PIK3R4: variants seen among roughly 807,000 people sequenced by gnomAD.
PIK3R4 encodes the protein phosphoinositide 3-kinase regulatory subunit 4.
Under a neutral mutation model 136.5 loss-of-function variants are expected in PIK3R4, and 46 were observed. The ratio of observed to expected loss-of-function variants is 0.34; its 90% CI spans 0.27 to 0.43. The LOEUF is 0.43. PIK3R4 is among the 20% of genes least tolerant of loss of function. PIK3R4 has a pLI of 1.00. For synonymous variants in PIK3R4, 557 were observed against 566.7 expected, an observed-to-expected ratio of 0.98 and a Z score of 0.24; for missense variants, 1,331 against 1,649.5, an observed-to-expected ratio of 0.81 and a Z score of 3.35.
At chr3:130,681,868 AC>A (rs2066460722) in intron 16 of PIK3R4, among the ~76,000 whole-genome samples, 1 of 152,190 alleles carries the variant, frequency 6.6e-6, no homozygotes, top group Non-Finnish European at 1.5e-5. Flanking sequence ...AGTGGGGACA[AC>A]AGACAAAAAT....
chr3:130,719,338 T>C (rs1319723488), intron 7 of PIK3R4, among the ~76,000 whole-genome samples: 1 of 145,370 alleles, frequency 6.9e-6, no homozygotes, highest in Non-Finnish European at 1.5e-5. Flanking sequence ...CACACCAGCA[T>C]TCAGAGGATA....
chr3:130,740,678 C>T (rs2066817593), intron 2 of PIK3R4, among the ~76,000 whole-genome samples: 2 of 152,088 alleles, frequency 1.3e-5, no homozygotes, highest in South Asian at 4.2e-4. Flanking sequence ...TGCAATGAGC[C>T]AAGATCGCGC....
At chr3:130,721,564 A>C (rs2107614807) in intron 7 of PIK3R4, among the ~76,000 whole-genome samples, 1 of 152,316 alleles carries the variant, frequency 6.6e-6, no homozygotes. Context: ...AGCACTAAAA[A>C]ATAAAAATAT....
chr3:130,684,286 A>T lies in PIK3R4; in HGVS notation c.3571T>A (p.Ser1191Thr). The T allele has an allele frequency of 1.2e-6, 2 of 1,613,550 alleles. No individual in the cohort carries two copies. Among genetic ancestry groups the T allele is most frequent in the Non-Finnish European group, 1.7e-6 (2 of 1,179,562 alleles). ...CAGGACTGATACAGAGGGTGCATTG[A>T]GAGGCGTCTGATTCGAGCCCTGGAA... Reference protein sequence around the residue: ...HPSRARIRRLSMHPLYQSWVI... With the variant: ...HPSRARIRRLTMHPLYQSWVI... The change falls in exon 16 of 20, where the codon TCA becomes ACA. Residue 1191 changes from serine (S) to threonine (T), a missense_variant. By Grantham distance (58) the Ser-to-Thr change is moderately conservative. Around this residue, in one of 2 missense-constraint regions of PIK3R4, gnomAD observed 1,180 missense variants for 1,407.0 expected, o/e 0.84. Transcript: ENST00000356763.
chr3:130,712,687 A>G (rs2066639056), intron 9 of PIK3R4, among the ~76,000 whole-genome samples: 1 of 151,942 alleles, frequency 6.6e-6, no homozygotes, highest in Admixed American at 6.6e-5. Flanking sequence ...AAAAAAAAAA[A>G]GAAACAAGGA....
rs2066769902 is a variant in PIK3R4, at chr3:130,733,558, T to C, written c.1440A>G (p.Leu480=). Residue 480 remains leucine, a synonymous_variant, in exon 4 of 20, where the codon CTA becomes CTG. Transcript: ENST00000356763. ...ACAATAAACTCTTACCAGCATAGGC[T>C]AGTCTAACGATAGTAGCATCATCTT... ...LAQDDATIVR[L]AYAENIALLA... is the part of the protein sequence containing the mutation. The C allele has an allele frequency of 6.2e-7, 1 of 1,607,908 alleles. No homozygotes were observed. The highest frequency in any genetic ancestry group is 8.5e-7 in the Non-Finnish European group (1 of 1,174,354).
At position 130,728,638 on chromosome 3, in the gene PIK3R4, C is replaced by T. The variant is rs753481323; in HGVS notation, c.1632G>A (p.Leu544=). 2.5e-5 allele frequency: 39 copies of T among 1,577,372 alleles called. No homozygotes were observed. The highest frequency in any genetic ancestry group is 1.6e-4 in the African/African-American group (11 of 68,144). The change falls in exon 6 of 20, where the codon TTG becomes TTA. Residue 544 remains leucine (L), a synonymous_variant. Transcript: ENST00000356763. ...TTACAATATTTTCAGGGTCACTTAG[C>T]AAAGTAACAACTTTCTGCTGGACCA... ...HEMVQQKVVT[L]LSDPENIVKQ...
intron 10 of PIK3R4, 63 bp from the exon 11 acceptor site, chr3:130,707,198 A>T (rs2066610641): frequency 3.3e-6 from 4 of 1,227,554 alleles, no homozygotes; most frequent in Non-Finnish European, 4.5e-6. Flanking sequence ...ATGTGCTTTT[A>T]TTGCCTTTGG....
intron 7 of PIK3R4, among the ~76,000 whole-genome samples, chr3:130,719,195 A>G (rs528032466): frequency 3.9e-5 from 6 of 152,338 alleles, no homozygotes; most frequent in African/African-American, 1.4e-4. Flanking sequence ...ATGTCTTTTC[A>G]TACCTTTTAA....
intron 2 of PIK3R4, among the ~76,000 whole-genome samples, chr3:130,740,324 A>G (rs2066815010): frequency 6.6e-6 from 1 of 152,236 alleles, no homozygotes; most frequent in African/African-American, 2.4e-5. Flanking sequence ...AAAATGCTAT[A>G]AGAGACATTA....
intron 3 of PIK3R4, 109 bp downstream of exon 3, chr3:130,735,760 G>A: frequency 1.0e-6 from 1 of 977,308 alleles, no homozygotes; most frequent in Non-Finnish European, 1.5e-6. Context: ...AGTCTATGGT[G>A]TTTTACTGCT....
chr3:130,716,451 C>T lies in PIK3R4; in HGVS notation c.2276G>A (p.Cys759Tyr). Residue 759 changes from cysteine to tyrosine, a missense_variant, in exon 9 of 20, where the codon TGC becomes TAC. Coordinates refer to ENST00000356763, the MANE Select transcript of PIK3R4 (RefSeq NM_014602.3). ...TATGGCAGGATCCTCTGGCGGAGGG[C>T]AGTCGGGAAGAGAACCATTTCGTTT... is the stretch of plus-strand genomic sequence containing the variant. Reference protein sequence around the residue: ...QKKRNGSLPDCPPPEDPAIAQ... With the variant: ...QKKRNGSLPDYPPPEDPAIAQ... 2 of 1,614,168 alleles carry T rather than the reference C, an allele frequency of 1.2e-6. No homozygotes were observed. Among genetic ancestry groups the T allele is most frequent in the Admixed American group, 1.7e-5 (1 of 60,028 alleles).
In PIK3R4 at chr3:130,684,366, G is replaced by C. The variant is rs773718407; in HGVS notation, c.3491C>G (p.Thr1164Ser). ...GAACCTCATGTCCCAACAAGCCATGGTACCACTGCTTGTACCTTAAAGAAA... is the reference window on the plus strand; with the variant it reads ...GAACCTCATGTCCCAACAAGCCATGCTACCACTGCTTGTACCTTAAAGAAA... ...CWLCIGTSSG[T>S]MACWDMRFQL... Residue 1164 changes from threonine (T) to serine (S), a missense_variant, in exon 16 of 20, where the codon ACC becomes AGC. Around this residue, in one of 2 missense-constraint regions of PIK3R4, gnomAD observed 1,180 missense variants for 1,407.0 expected, o/e 0.84. Coordinates refer to ENST00000356763, the MANE Select transcript of PIK3R4 (RefSeq NM_014602.3). 2 of 1,613,050 alleles carry C rather than the reference G, an allele frequency of 1.2e-6. No homozygotes were observed. Among genetic ancestry groups the C allele is most frequent in the African/African-American group, 2.7e-5 (2 of 74,826 alleles).
chr3:130,689,287 A>ATG (rs1364416109), intron 14 of PIK3R4, among the ~76,000 whole-genome samples: 7 of 152,208 alleles, frequency 4.6e-5, no homozygotes, highest in African/African-American at 1.7e-4. Context: ...CGTGCACTGA[A>ATG]TGTGCATGTC....
chr3:130,713,052 T>G (rs2066641561), intron 9 of PIK3R4, among the ~76,000 whole-genome samples: 1 of 152,216 alleles, frequency 6.6e-6, no homozygotes. Context: ...CCCTTATCTA[T>G]AAAATAGGAA....
intron 6 of PIK3R4, among the ~76,000 whole-genome samples, chr3:130,728,071 C>T (rs2066743120): frequency 6.6e-6 from 1 of 151,988 alleles, no homozygotes; most frequent in East Asian, 1.9e-4. Flanking sequence ...AAAAGTGATG[C>T]ATGTTCACTT....
intron 14 of PIK3R4, among the ~76,000 whole-genome samples, chr3:130,690,102 T>C (rs1456440169): frequency 6.6e-6 from 1 of 152,238 alleles, no homozygotes; most frequent in Non-Finnish European, 1.5e-5. Flanking sequence ...TTTTCCTTAA[T>C]GAAGAACACT....
At position 130,744,542 on chromosome 3, in the gene PIK3R4, T is replaced by C. The variant is rs755915922; in HGVS notation, c.677A>G (p.Asn226Ser). ...CTCTCCTCTTGTTCTCTGATTGCTA[T>C]TTAAGTCTACAAGCGGAGTTGAAGG... ...RDPSTPLVDLNSNQRTRGELK... is the reference protein window; with the variant it reads ...RDPSTPLVDLSSNQRTRGELK... Residue 226 changes from asparagine to serine, a missense_variant, in exon 2 of 20, where the codon AAT becomes AGT. Asn to Ser is a conservative substitution (Grantham distance 46). Around this residue, in one of 2 missense-constraint regions of PIK3R4, gnomAD observed 1,180 missense variants for 1,407.0 expected, o/e 0.84. Transcript: ENST00000356763. The C allele has an allele frequency of 1.9e-6, 3 of 1,614,202 alleles. No homozygotes were observed. Among genetic ancestry groups the C allele is most frequent in the South Asian group, 1.1e-5 (1 of 91,082 alleles).
chr3:130,734,418 T>C (rs2066775052), intron 3 of PIK3R4, among the ~76,000 whole-genome samples: 1 of 152,228 alleles, frequency 6.6e-6, no homozygotes, highest in African/African-American at 2.4e-5. Flanking sequence ...TACAAACTTT[T>C]CTAAGTAGGA....
Sources: gnomAD v4.1 joint callset for allele counts (sites outside exome capture counted in the v4.1 genomes callset) on GRCh38, gnomAD v4.1.1 for gene constraint, gnomAD v4.1.1 regional missense constraint, MANE v1.5 for transcripts, NCBI Gene and HGNC (gene_info 2026-07-23, HGNC 2026-07-21) for gene names.